The following SAMMSON variants were observed in gnomAD, a reference collection of about 807,000 sequenced individuals.
SAMMSON encodes the protein survival associated mitochondrial melanoma specific oncogenic non-coding RNA, also known as long intergenic non-protein coding RNA 1212.
intron 4 of SAMMSON, among the ~76,000 whole-genome samples, chr3:70,138,570 T>C (rs1357228527): frequency 6.6e-6 from 1 of 152,234 alleles, no homozygotes; most frequent in Admixed American, 6.5e-5. Flanking sequence ...TATGAAATCA[T>C]GGGGGGACAT....
intron 4 of SAMMSON, among the ~76,000 whole-genome samples, chr3:70,093,985 A>G (rs912721642): frequency 1.3e-5 from 2 of 152,144 alleles, no homozygotes; most frequent in Admixed American, 1.3e-4. Flanking sequence ...ATTTTGTGAT[A>G]TATGGGGAAC....
chr3:70,350,569 C>T (rs1481221842), intron 7 of SAMMSON, among the ~76,000 whole-genome samples: 1 of 151,870 alleles, frequency 6.6e-6, no homozygotes, highest in Non-Finnish European at 1.5e-5. Flanking sequence ...ACTTCTTCAC[C>T]CATATTCAAA....
At chr3:70,026,574 A>AT (rs1401341468) in intron 3 of SAMMSON, among the ~76,000 whole-genome samples, 1 of 152,134 alleles carries the variant, frequency 6.6e-6, no homozygotes, top group East Asian at 1.9e-4. Flanking sequence ...CTAGACTAGG[A>AT]TTTTTTCCTC....
intron 3 of SAMMSON, among the ~76,000 whole-genome samples, chr3:70,035,038 T>G (rs2067080220): frequency 6.6e-6 from 1 of 152,104 alleles, no homozygotes; most frequent in Non-Finnish European, 1.5e-5. Flanking sequence ...TTGGCTGGAT[T>G]CTCCGTTTAG....
At chr3:70,016,880 A>G (rs546079099) in intron 3 of SAMMSON, among the ~76,000 whole-genome samples, 14 of 152,250 alleles carry the variant, frequency 9.2e-5, no homozygotes, top group African/African-American at 3.4e-4. Context: ...CAGGTTTGTC[A>G]AAGATCAGAT....
At chr3:70,331,647 A>C (rs1340316139) in intron 7 of SAMMSON, among the ~76,000 whole-genome samples, 1 of 152,234 alleles carries the variant, frequency 6.6e-6, no homozygotes, top group East Asian at 1.9e-4. Flanking sequence ...TGATTCACCT[A>C]TTTAAGCTTT....
At chr3:70,161,548 A>G (rs1448434740) in intron 4 of SAMMSON, among the ~76,000 whole-genome samples, 1 of 151,792 alleles carries the variant, frequency 6.6e-6, no homozygotes, top group Non-Finnish European at 1.5e-5. Context: ...TTCTTTTTAT[A>G]TGTTGAATTT....
At chr3:70,331,122 T>C (rs894304557) in intron 7 of SAMMSON, among the ~76,000 whole-genome samples, 1 of 152,246 alleles carries the variant, frequency 6.6e-6, no homozygotes, top group Non-Finnish European at 1.5e-5. Flanking sequence ...CTTCAACGTA[T>C]GAGCTCTAAA....
chr3:70,304,797 A>T (rs1702384310), intron 7 of SAMMSON, among the ~76,000 whole-genome samples: 1 of 152,148 alleles, frequency 6.6e-6, no homozygotes, highest in African/African-American at 2.4e-5. Flanking sequence ...CGTGGCTTCT[A>T]ATTCCAAATA....
intron 4 of SAMMSON, among the ~76,000 whole-genome samples, chr3:70,142,199 G>T (rs933551250): frequency 1.3e-5 from 2 of 152,098 alleles, no homozygotes; most frequent in Non-Finnish European, 2.9e-5. Context: ...CAGAGGAAAA[G>T]AAGTCATTAT....
At chr3:70,293,349 T>A (rs1246038242) in intron 7 of SAMMSON, among the ~76,000 whole-genome samples, 1 of 152,154 alleles carries the variant, frequency 6.6e-6, no homozygotes, top group Non-Finnish European at 1.5e-5. Flanking sequence ...TCCTTATTAA[T>A]ACATTAAATA....
At chr3:70,163,064 T>C (rs796536339) in intron 4 of SAMMSON, among the ~76,000 whole-genome samples, 27 of 151,822 alleles carry the variant, frequency 1.8e-4, no homozygotes, top group African/African-American at 6.5e-4. Context: ...ATAGGAAGTA[T>C]ATAATCGAAT....
chr3:70,039,217 A>G (rs1485921304), intron 3 of SAMMSON, among the ~76,000 whole-genome samples: 1 of 152,110 alleles, frequency 6.6e-6, no homozygotes, highest in South Asian at 2.1e-4. Context: ...TTGGCCATCA[A>G]GGAGGTTAAG....
At chr3:70,394,113 C>T (rs1227034824), downstream of SAMMSON, among the ~76,000 whole-genome samples, 1 of 152,088 alleles carries the variant, frequency 6.6e-6, no homozygotes, top group East Asian at 1.9e-4. Flanking sequence ...GGACTCCCTG[C>T]CAGATTGGCT....
intron 9 of SAMMSON, among the ~76,000 whole-genome samples, chr3:70,367,273 A>G (rs1171071552): frequency 6.6e-6 from 1 of 151,552 alleles, no homozygotes; most frequent in Non-Finnish European, 1.5e-5. Flanking sequence ...CTTTCTATCT[A>G]ATTAAATGTT....
intron 4 of SAMMSON, chr3:70,197,109 G>A (rs772155757): frequency 2.5e-6 from 1 of 398,542 alleles, no homozygotes; most frequent in Non-Finnish European, 4.4e-6. Flanking sequence ...ACACCGTTTC[G>A]CAGGTGCCGG....
rs1308433404 is a variant in SAMMSON, at chr3:70,187,510, T to G, written n.508-61597T>G. On this transcript the variant is annotated intron_variant and non_coding_transcript_variant, in intron 4 of 9. Coordinates refer to ENST00000642114, the Ensembl canonical transcript of SAMMSON. ...TGGAGTGCAGTGGCGCGATCTCGAC[T>G]CACTGCAAGCTCCGCCTCCCGGGTT... 3.0e-5 allele frequency among the ~76,000 whole-genome samples: 4 copies of G among 133,826 alleles called. No individual in the cohort carries two copies. In the East Asian group the frequency reaches 9.9e-4, roughly 33 times the overall value. The allele number at this position is 133,826 out of a possible 152,430, so 87.8% of individuals were successfully genotyped here. A position where few individuals can be genotyped will look rare whatever the true frequency, so the allele number is the denominator to read the frequency against.
chr3:70,428,748 G>T (rs1232197597), intron 2 of SAMMSON, among the ~76,000 whole-genome samples: 1 of 152,178 alleles, frequency 6.6e-6, no homozygotes, highest in Non-Finnish European at 1.5e-5. Context: ...CTATCTAAAA[G>T]TGGGTTTATT....
At chr3:70,324,314 G>T (rs573817943) in intron 7 of SAMMSON, among the ~76,000 whole-genome samples, 1 of 152,204 alleles carries the variant, frequency 6.6e-6, no homozygotes, top group African/African-American at 2.4e-5. Context: ...CCACCCACTT[G>T]AAAGTTATGC....
Sources: allele counts gnomAD v4.1 joint callset (sites outside exome capture counted in the v4.1 genomes callset), GRCh38; gene constraint gnomAD v4.1.1; transcripts MANE v1.5; gene names NCBI Gene and HGNC (gene_info 2026-07-23, HGNC 2026-07-21).